CEP63: variants seen among roughly 807,000 people sequenced by gnomAD.
CEP63 encodes centrosomal protein 63.
A neutral mutation model predicts 89.1 loss-of-function variants in CEP63; 84 were observed. The ratio of observed to expected loss-of-function variants is 0.94; its 90% CI spans 0.79 to 1.13. CEP63 has a LOEUF of 1.13. CEP63 is among the 50% of genes most tolerant of loss of function. The pLI, the probability that CEP63 is intolerant of heterozygous loss-of-function variation, is 0.00. For missense variants in CEP63, 838 were observed against 813.3 expected (o/e 1.03, Z -0.37); for synonymous variants, 267 against 272.5 (o/e 0.98, Z 0.20).
At chr3:134,618,804 G>GGC in the CEP63 span, among the ~76,000 whole-genome samples, 293 of 152,234 alleles carry the variant, frequency 1.9e-3, no homozygotes, top group Middle Eastern at 6.8e-3. Context: ...CAGTCCCCTT[G>GGC]GCATCTGCAG....
the CEP63 span, among the ~76,000 whole-genome samples, chr3:134,705,180 AG>A: frequency 6.6e-6 from 1 of 152,170 alleles, no homozygotes; most frequent in African/African-American, 2.4e-5. Flanking sequence ...TAAGGAAAAG[AG>A]GTTTCTTAGC....
At chr3:134,703,291 G>A in the CEP63 span, among the ~76,000 whole-genome samples, 111 of 64,394 alleles carry the variant, frequency 1.7e-3, no homozygotes, top group Non-Finnish European at 2.9e-3. Context: ...GTGAGACTCC[G>A]TCTCAAAAAA....
intron 2 of CEP63, among the ~76,000 whole-genome samples, chr3:134,501,813 C>G (rs998338456): frequency 6.6e-6 from 1 of 152,012 alleles, no homozygotes; most frequent in Non-Finnish European, 1.5e-5. Flanking sequence ...ATTTGAATAC[C>G]TTTTATTTCT....
the CEP63 span, among the ~76,000 whole-genome samples, chr3:134,765,798 C>T: frequency 6.6e-6 from 1 of 152,122 alleles, no homozygotes; most frequent in African/African-American, 2.4e-5. Flanking sequence ...GCAGCATCAG[C>T]ATCACCTGAG....
At chr3:134,488,655 CAT>C (rs1247438455) in intron 1 of CEP63, among the ~76,000 whole-genome samples, 1 of 152,110 alleles carries the variant, frequency 6.6e-6, no homozygotes, top group Non-Finnish European at 1.5e-5. Flanking sequence ...CAAAACATTT[CAT>C]ATGAATTTTA....
At chr3:134,765,460 C>G in the CEP63 span, among the ~76,000 whole-genome samples, 2 of 152,194 alleles carry the variant, frequency 1.3e-5, no homozygotes, top group African/African-American at 4.8e-5. Flanking sequence ...GGGGCCCCAA[C>G]ACATCTGTGA....
chr3:134,548,544 C>T (rs1398010948), intron 9 of CEP63, among the ~76,000 whole-genome samples: 1 of 152,176 alleles, frequency 6.6e-6, no homozygotes, highest in Non-Finnish European at 1.5e-5. Flanking sequence ...CATTTGTACA[C>T]TGACATTTTC....
chr3:134,507,404 TATTATA>T (rs1259383778), intron 3 of CEP63, 118 bp downstream of exon 3: 10 of 735,690 alleles, frequency 1.4e-5, no homozygotes, highest in Non-Finnish European at 1.6e-5. Context: ...TATTGTTTTT[TATTATA>T]ATTCTGCTGT....
At position 134,564,201 on chromosome 3, in the gene CEP63, C is replaced by G; in HGVS notation, c.*2666C>G. ...TCATGGTGGGATCCTCATCACCCAGCACAAGCCCAACACTTAGGAGAGGCT... is the reference window on the plus strand; with the variant it reads ...TCATGGTGGGATCCTCATCACCCAGGACAAGCCCAACACTTAGGAGAGGCT... On this transcript the variant is annotated 3_prime_UTR_variant, in exon 15 of 15. Coordinates refer to ENST00000675561, the MANE Select transcript of CEP63 (RefSeq NM_001353108.3). 1 of 969,302 alleles carries G rather than the reference C, an allele frequency of 1.0e-6. No individual in the cohort carries two copies. Among genetic ancestry groups the G allele is most frequent in the Non-Finnish European group, 1.2e-6 (1 of 815,208 alleles). The allele number at this position is 969,302 out of a possible 1,614,324, so 60.0% of individuals were successfully genotyped here. A position where few individuals can be genotyped will look rare whatever the true frequency, so the allele number is the denominator to read the frequency against.
At chr3:134,604,175 T>C in the CEP63 span, 1 of 1,610,286 alleles carries the variant, frequency 6.2e-7, no homozygotes, top group Non-Finnish European at 8.5e-7. Context: ...GAGGGCTTCA[T>C]GATGCCCATC....
At chr3:134,761,300 A>G in the CEP63 span, among the ~76,000 whole-genome samples, 8 of 152,200 alleles carry the variant, frequency 5.3e-5, no homozygotes, top group African/African-American at 1.9e-4. Context: ...TTTCATGCAC[A>G]TGAATATGTA....
the CEP63 span, among the ~76,000 whole-genome samples, chr3:134,672,116 G>A: frequency 2.6e-5 from 4 of 152,244 alleles, no homozygotes; most frequent in South Asian, 8.3e-4. Context: ...TGTAAAAAAT[G>A]GGGTACACTG....
chr3:134,603,973 C>G, the CEP63 span: 16 of 1,613,752 alleles, frequency 9.9e-6, no homozygotes, highest in Non-Finnish European at 1.4e-5. Flanking sequence ...GGCAAACTTG[C>G]CTGCATGGGG....
At chr3:134,528,192 T>C (rs569617661) in intron 3 of CEP63, among the ~76,000 whole-genome samples, 1 of 152,252 alleles carries the variant, frequency 6.6e-6, no homozygotes, top group South Asian at 2.1e-4. Context: ...GGTTCCCAGC[T>C]TCCTCCCCCT....
At chr3:134,531,793 G>T in intron 3 of CEP63, 52 bp from the exon 4 acceptor site, 2 of 1,217,536 alleles carry the variant, frequency 1.6e-6, no homozygotes, top group Non-Finnish European at 2.4e-6. Context: ...ATATCTCAGG[G>T]ATGTTATTTC....
the CEP63 span, among the ~76,000 whole-genome samples, chr3:134,729,694 A>G: frequency 6.6e-6 from 1 of 152,234 alleles, no homozygotes; most frequent in African/African-American, 2.4e-5. Flanking sequence ...TGAGGCATAG[A>G]AGTTTCAGAG....
chr3:134,708,018 A>G, the CEP63 span, among the ~76,000 whole-genome samples: 2 of 152,168 alleles, frequency 1.3e-5, no homozygotes, highest in Non-Finnish European at 2.9e-5. Context: ...GCACATGTGT[A>G]TGCAAGGGAG....
intron 6 of CEP63, among the ~76,000 whole-genome samples, chr3:134,538,320 T>C (rs1478961713): frequency 6.6e-6 from 1 of 150,770 alleles, no homozygotes; most frequent in Non-Finnish European, 1.5e-5. Context: ...AGCAGTCTGA[T>C]AAACTACCGA....
the CEP63 span, among the ~76,000 whole-genome samples, chr3:134,631,093 A>G: frequency 6.6e-6 from 1 of 152,234 alleles, no homozygotes; most frequent in Non-Finnish European, 1.5e-5. Context: ...TCTGTAGGTC[A>G]ATACCCAAAA....
Sources: gnomAD v4.1 joint callset for allele counts (sites outside exome capture counted in the v4.1 genomes callset) on GRCh38, gnomAD v4.1.1 for gene constraint, MANE v1.5 for transcripts, NCBI Gene and HGNC (gene_info 2026-07-23, HGNC 2026-07-21) for gene names.